The following VPS13B variants were observed in gnomAD, a reference collection of about 807,000 sequenced individuals.
The protein encoded by VPS13B is intermembrane lipid transfer protein VPS13B.
A neutral mutation model predicts 426.4 loss-of-function variants in VPS13B; 285 were observed. The observed-to-expected ratio is 0.67, with a 90% CI of 0.61 to 0.74. VPS13B has a LOEUF of 0.74. Among genes scored for constraint, VPS13B ranks in the 30% least tolerant of loss-of-function variants. VPS13B has a pLI of 0.00. For synonymous variants in VPS13B, 1,676 were observed against 1,676.4 expected, an observed-to-expected ratio of 1.00 and a Z score of 0.01; for missense variants, 4,537 against 4,782.6, an observed-to-expected ratio of 0.95 and a Z score of 1.51.
chr8:99,375,787 A>G (rs918782168), intron 19 of VPS13B, among the ~76,000 whole-genome samples: 11 of 152,214 alleles, frequency 7.2e-5, no homozygotes, highest in Non-Finnish European at 1.2e-4. Flanking sequence ...TTTCTTTACT[A>G]TAGCTGCTTA....
chr8:99,370,797 A>T (rs1813136178), intron 19 of VPS13B, among the ~76,000 whole-genome samples: 1 of 151,902 alleles, frequency 6.6e-6, no homozygotes. Context: ...TTTAATAGAG[A>T]TGGTGATTCA....
At chr8:99,089,021 G>C (rs1845999103) in intron 3 of VPS13B, among the ~76,000 whole-genome samples, 1 of 152,162 alleles carries the variant, frequency 6.6e-6, no homozygotes, top group South Asian at 2.1e-4. Flanking sequence ...AGGTTGGATA[G>C]GTTAGGAAAG....
intron 3 of VPS13B, among the ~76,000 whole-genome samples, chr8:99,067,096 G>C (rs1563518310): frequency 6.6e-6 from 1 of 152,138 alleles, no homozygotes; most frequent in Non-Finnish European, 1.5e-5. Context: ...TATTCATGAA[G>C]GATCTAGAAC....
chr8:99,582,285 A>G (rs996419803), intron 33 of VPS13B, among the ~76,000 whole-genome samples: 2 of 152,218 alleles, frequency 1.3e-5, no homozygotes, highest in Non-Finnish European at 2.9e-5. Context: ...TGCTAATGAA[A>G]TACATCAAAG....
intron 35 of VPS13B, among the ~76,000 whole-genome samples, chr8:99,695,509 G>A (rs1831928294): frequency 1.5e-5 from 2 of 134,256 alleles, no homozygotes; most frequent in Admixed American, 7.8e-5. Flanking sequence ...GAGATCACAT[G>A]GACACAGGAA....
At chr8:99,398,862 T>C (rs1814887021) in intron 21 of VPS13B, among the ~76,000 whole-genome samples, 1 of 151,276 alleles carries the variant, frequency 6.6e-6, no homozygotes, top group Non-Finnish European at 1.5e-5. Flanking sequence ...GATCAAAAAA[T>C]GTATAATTTT....
intron 24 of VPS13B, among the ~76,000 whole-genome samples, chr8:99,472,592 A>G (rs772544913): frequency 6.6e-6 from 1 of 152,010 alleles, no homozygotes; most frequent in Admixed American, 6.5e-5. Context: ...GAAAGATCTT[A>G]AATCAGCCAT....
chr8:99,636,246 C>T (rs1452051932), intron 33 of VPS13B, among the ~76,000 whole-genome samples: 1 of 151,964 alleles, frequency 6.6e-6, no homozygotes. Flanking sequence ...CTTCACCAAA[C>T]TATCCATTTT....
At chr8:99,169,914 G>GA in intron 15 of VPS13B, 125 bp from the exon 16 acceptor site, 1 of 1,196,936 alleles carries the variant, frequency 8.4e-7, no homozygotes, top group Admixed American at 1.8e-5. Context: ...TTGGGAAGTG[G>GA]AAAAAGACTT....
chr8:99,501,594 C>T, intron 25 of VPS13B, 93 bp from the exon 26 acceptor site: 1 of 1,322,970 alleles, frequency 7.6e-7, no homozygotes, highest in Non-Finnish European at 1.1e-6. Flanking sequence ...GAAAAAGTTA[C>T]AAATAATAAT....
intron 17 of VPS13B, among the ~76,000 whole-genome samples, chr8:99,224,931 A>G (rs779122797): frequency 6.6e-6 from 1 of 152,150 alleles, no homozygotes; most frequent in Non-Finnish European, 1.5e-5. Context: ...CTTTTCTGTC[A>G]CAGAGAAATG....
chr8:99,708,119 A>G (rs572712096), intron 36 of VPS13B, among the ~76,000 whole-genome samples: 21 of 152,192 alleles, frequency 1.4e-4, no homozygotes, highest in Admixed American at 3.9e-4. Context: ...ATTCTTTCCT[A>G]TGTAAGAAGG....
Position 99,853,614 on chromosome 8 carries a change from G to A in VPS13B, c.10225G>A (p.Glu3409Lys). 6.2e-7 allele frequency: 1 copy of A among 1,614,182 alleles called. No homozygotes were observed. The highest frequency in any genetic ancestry group is 8.5e-7 in the Non-Finnish European group (1 of 1,180,020). ...GGGAGCTGGTCCCCTCCCTGGGGAA[G>A]AGCCTGTGGCTGCGTTGTTTGAACT... ...APGAGPLPGEEPVAALFELYC... is the reference protein window; with the variant it reads ...APGAGPLPGEKPVAALFELYC... The change falls in exon 56 of 62, where the codon GAG becomes AAG. Residue 3409 changes from glutamate (E) to lysine (K), a missense_variant. Glu to Lys is a moderately conservative substitution (Grantham distance 56). This residue lies in a region of VPS13B where 4,311 missense variants were observed against 4,474.3 expected (regional missense o/e 0.96). Coordinates refer to ENST00000357162, the MANE Select transcript of VPS13B (RefSeq NM_152564.5).
At chr8:99,305,230 A>T (rs1277782530) in intron 19 of VPS13B, among the ~76,000 whole-genome samples, 1 of 152,104 alleles carries the variant, frequency 6.6e-6, no homozygotes, top group Non-Finnish European at 1.5e-5. Context: ...CTTTGTATCA[A>T]TGCATTCCAC....
intron 2 of VPS13B, among the ~76,000 whole-genome samples, chr8:99,023,608 G>T (rs1373690386): frequency 6.6e-6 from 1 of 151,836 alleles, no homozygotes; most frequent in Non-Finnish European, 1.5e-5. Flanking sequence ...AGCCTCCCAA[G>T]TAGCTGGGAC....
intron 8 of VPS13B, among the ~76,000 whole-genome samples, chr8:99,129,946 G>T (rs1265036660): frequency 6.6e-6 from 1 of 152,122 alleles, no homozygotes; most frequent in African/African-American, 2.4e-5. Flanking sequence ...AGCCCTGGAG[G>T]TTTTAGGCTG....
intron 48 of VPS13B, 42 bp from the exon 49 acceptor site, chr8:99,819,879 A>G (rs752382796): frequency 6.3e-7 from 1 of 1,594,460 alleles, no homozygotes; most frequent in East Asian, 2.2e-5. Context: ...TATTAAAGTT[A>G]TCATATTTCA....
chr8:99,186,453 C>T (rs1041608062), intron 16 of VPS13B, among the ~76,000 whole-genome samples: 28 of 151,902 alleles, frequency 1.8e-4, no homozygotes, highest in African/African-American at 6.5e-4. Context: ...AATGTTATGT[C>T]TTGATGAATT....
chr8:99,706,463 T>C (rs1832503008), intron 36 of VPS13B, among the ~76,000 whole-genome samples: 1 of 152,178 alleles, frequency 6.6e-6, no homozygotes, highest in African/African-American at 2.4e-5. Flanking sequence ...TGTGTAAATA[T>C]GGTTCTCTTG....
Sources: gnomAD v4.1 joint callset for allele counts (sites outside exome capture counted in the v4.1 genomes callset) on GRCh38, gnomAD v4.1.1 for gene constraint, gnomAD v4.1.1 regional missense constraint, MANE v1.5 for transcripts, NCBI Gene and HGNC (gene_info 2026-07-23, HGNC 2026-07-21) for gene names.